Variants in AFF3 observed in about 807,000 individuals in gnomAD.
AFF3 encodes AF4/FMR2 family member 3.
Under a neutral mutation model 129.7 loss-of-function variants are expected in AFF3, and 32 were observed. That is an observed-to-expected ratio of 0.25 (90% CI 0.19 to 0.33). AFF3 has a LOEUF of 0.33. Among genes scored for constraint, AFF3 ranks in the 10% least tolerant of loss-of-function variants. The pLI is 1.00. For missense variants in AFF3, 1,373 were observed against 1,592.0 expected (o/e 0.86, Z 2.34); for synonymous variants, 644 against 635.4 (o/e 1.01, Z -0.20).
intron 11 of AFF3, among the ~76,000 whole-genome samples, chr2:99,686,184 C>T (rs893630000): frequency 1.3e-5 from 2 of 151,934 alleles, no homozygotes; most frequent in African/African-American, 4.8e-5. Context: ...AGCGAGACTC[C>T]ATCTAAAAAA....
chr2:99,555,187 G>A (rs796838367), intron 22 of AFF3, among the ~76,000 whole-genome samples: 9 of 152,026 alleles, frequency 5.9e-5, no homozygotes, highest in African/African-American at 1.9e-4. Flanking sequence ...TAATCCCAAC[G>A]GTCTGTTAAA....
chr2:100,110,152 G>C (rs1311457506), intron 2 of AFF3: 1 of 152,198 alleles, frequency 6.6e-6, no homozygotes, highest in Non-Finnish European at 1.5e-5. Flanking sequence ...TTTTGTCTCT[G>C]ACAGTTCTGA....
chr2:100,033,362 A>G (rs1684664439), intron 4 of AFF3, among the ~76,000 whole-genome samples: 1 of 152,248 alleles, frequency 6.6e-6, no homozygotes, highest in Admixed American at 6.5e-5. Flanking sequence ...TTTATTTTAA[A>G]TATCTGAGCT....
chr2:99,922,075 T>C (rs1053963159), intron 7 of AFF3, among the ~76,000 whole-genome samples: 1 of 152,126 alleles, frequency 6.6e-6, no homozygotes, highest in Non-Finnish European at 1.5e-5. Flanking sequence ...TTGATGAGGA[T>C]ATGGAGTAAC....
intron 14 of AFF3, among the ~76,000 whole-genome samples, chr2:99,599,542 C>G (rs1679615557): frequency 6.6e-6 from 1 of 152,174 alleles, no homozygotes; most frequent in African/African-American, 2.4e-5. Flanking sequence ...AGGCATGAGC[C>G]ACTGCGCCCG....
intron 7 of AFF3, among the ~76,000 whole-genome samples, chr2:99,846,215 C>T (rs1393821749): frequency 6.6e-6 from 1 of 152,062 alleles, no homozygotes; most frequent in Admixed American, 6.5e-5. Context: ...CTGCAACCTC[C>T]ACCTTCCAGG....
intron 13 of AFF3, among the ~76,000 whole-genome samples, chr2:99,622,959 A>T (rs2105320109): frequency 6.6e-6 from 1 of 152,294 alleles, no homozygotes; most frequent in Middle Eastern, 3.4e-3. Flanking sequence ...AAACAAAGGT[A>T]GCCTTGCTTT....
At chr2:100,106,226 T>G in intron 2 of AFF3, 1 of 1,183,714 alleles carries the variant, frequency 8.4e-7, no homozygotes, top group South Asian at 1.6e-5. Flanking sequence ...AACGCTAAAT[T>G]AAGACAGAGT....
At chr2:99,805,643 A>G (rs1386914399) in intron 8 of AFF3, among the ~76,000 whole-genome samples, 1 of 152,146 alleles carries the variant, frequency 6.6e-6, no homozygotes, top group African/African-American at 2.4e-5. Context: ...GTGCAGGAAA[A>G]TCCCTACTCC....
chr2:99,902,922 T>A (rs1246862639), intron 7 of AFF3, among the ~76,000 whole-genome samples: 1 of 152,164 alleles, frequency 6.6e-6, no homozygotes, highest in African/African-American at 2.4e-5. Context: ...TATCTACTAA[T>A]TCAAATTTTT....
intron 7 of AFF3, among the ~76,000 whole-genome samples, chr2:99,918,043 T>C (rs1440465685): frequency 1.3e-5 from 2 of 151,938 alleles, no homozygotes; most frequent in Admixed American, 1.3e-4. Context: ...AGAAAAAACC[T>C]TGCTTTTTTC....
chr2:99,744,864 T>C (rs1277401884), intron 9 of AFF3, among the ~76,000 whole-genome samples: 6 of 152,192 alleles, frequency 3.9e-5, no homozygotes, highest in Non-Finnish European at 8.8e-5. Flanking sequence ...TGTACACTAG[T>C]TCGAGTCCAT....
chr2:99,877,581 C>T (rs1015784541), intron 7 of AFF3, among the ~76,000 whole-genome samples: 1 of 152,166 alleles, frequency 6.6e-6, no homozygotes, highest in Non-Finnish European at 1.5e-5. Context: ...GACCATCATT[C>T]TATAGTCAGA....
chr2:99,553,541 T>C (rs1355598501), intron 24 of AFF3, among the ~76,000 whole-genome samples: 2 of 152,182 alleles, frequency 1.3e-5, no homozygotes, highest in Non-Finnish European at 2.9e-5. Context: ...TATGTTGATA[T>C]ATATAACAAT....
intron 4 of AFF3, among the ~76,000 whole-genome samples, chr2:100,075,541 G>A (rs1430004529): frequency 6.6e-6 from 1 of 152,048 alleles, no homozygotes; most frequent in African/African-American, 2.4e-5. Context: ...AGAGCTTGGA[G>A]AATAAGTACT....
chr2:100,021,470 T>C (rs1012399156), intron 4 of AFF3, among the ~76,000 whole-genome samples: 4 of 152,212 alleles, frequency 2.6e-5, no homozygotes, highest in African/African-American at 9.6e-5. Context: ...CATATCACCA[T>C]TTGAACACAC....
intron 5 of AFF3, 142 bp downstream of exon 5, chr2:100,008,670 G>T: frequency 2.0e-6 from 2 of 1,021,656 alleles, no homozygotes; most frequent in Non-Finnish European, 1.4e-6. Flanking sequence ...CCCCGTACTT[G>T]GTGGCTGAGC....
chr2:99,681,811 G>A (rs1301424092), intron 11 of AFF3, among the ~76,000 whole-genome samples: 1 of 148,606 alleles, frequency 6.7e-6, no homozygotes, highest in African/African-American at 2.6e-5. Context: ...TTAGCCTGAG[G>A]TATTTTTTTT....
chr2:100,028,223 T>G (rs1321605725), intron 4 of AFF3, among the ~76,000 whole-genome samples: 2 of 152,184 alleles, frequency 1.3e-5, no homozygotes, highest in African/African-American at 4.8e-5. Context: ...AGAAACTTCC[T>G]AAAAACAATT....
Sources: gnomAD v4.1 joint callset for allele counts (sites outside exome capture counted in the v4.1 genomes callset) on GRCh38, gnomAD v4.1.1 for gene constraint, MANE v1.5 for transcripts, NCBI Gene and HGNC (gene_info 2026-07-23, HGNC 2026-07-21) for gene names.